VWA1: variants seen among roughly 807,000 people sequenced by gnomAD.
VWA1 encodes the protein von Willebrand factor A domain containing 1, also known as von Willebrand factor A domain-containing protein 1.
Under a neutral mutation model 14.9 loss-of-function variants are expected in VWA1, and 12 were observed. The ratio of observed to expected loss-of-function variants is 0.80; its 90% CI spans 0.52 to 1.30. The LOEUF is 1.30. VWA1 is among the 50% of genes most tolerant of loss of function. The pLI is 0.00. For synonymous variants in VWA1, 368 were observed against 310.7 expected, an observed-to-expected ratio of 1.18 and a Z score of -1.94; for missense variants, 800 against 649.1, an observed-to-expected ratio of 1.23 and a Z score of -2.53.
chr1:1,439,058 C>T (rs1342887244), intron 2 of VWA1, 23 bp from the exon 3 acceptor site: 11 of 1,592,854 alleles, frequency 6.9e-6, no homozygotes, highest in Non-Finnish European at 9.3e-6. Context: ...CCGCTGTTCC[C>T]TGACCCCCTG....
Position 1,437,131 on chromosome 1 carries a change from C to G in VWA1, c.278C>G (p.Ser93Trp). The G allele has an allele frequency of 6.2e-7, 1 of 1,606,508 alleles. No homozygotes were observed. The highest frequency in any genetic ancestry group is 8.5e-7 in the Non-Finnish European group (1 of 1,175,496). ...GAGTTCCCCTTCGGCCAGCACAGCT[C>G]GGGTGAGGCTGCCCAGGATGCGGTG... ...YTEFPFGQHS[S>W]GEAAQDAVRA... Residue 93 changes from serine (S) to tryptophan (W), a missense_variant, in exon 2 of 3, where the codon TCG (serine) becomes TGG (tryptophan). By Grantham distance (177) the Ser-to-Trp change is radical. Transcript: ENST00000476993.
In VWA1 at chr1:1,440,024, C is replaced by T. The variant is rs1388217875; in HGVS notation, c.*237C>T. On this transcript the variant is annotated 3_prime_UTR_variant, in exon 3 of 3. Transcript: ENST00000476993. The stretch of plus-strand genomic sequence containing the variant: ...CGCAGCAGCCCCGGCCCCATCCCCG[C>T]CCAGAGCCGGGCGTCGTGTGGGTCC... 3.5e-6 allele frequency: 1 copy of T among 288,732 alleles called. No homozygotes were observed. Among genetic ancestry groups the T allele is most frequent in the East Asian group, 1.4e-4 (1 of 6,934 alleles). 17.9% of individuals were successfully genotyped at this position (288,732 alleles called of 1,614,324 possible). A position where few individuals can be genotyped will look rare whatever the true frequency, so the allele number is the denominator to read the frequency against.
At position 1,437,019 on chromosome 1, in the gene VWA1, T is replaced by C; in HGVS notation, c.166T>C (p.Phe56Leu). 6.2e-7 allele frequency: 1 copy of C among 1,612,120 alleles called. No individual in the cohort carries two copies. Among genetic ancestry groups the C allele is most frequent in the Non-Finnish European group, 8.5e-7 (1 of 1,179,712 alleles). ...SHYEFSRVRE[F>L]VGQLVAPLPL... ...CTACGAGTTCTCCCGGGTTCGGGAG[T>C]TTGTGGGGCAGCTGGTGGCTCCACT... The change falls in exon 2 of 3, where the codon TTT becomes CTT. Residue 56 changes from phenylalanine (F) to leucine (L), a missense_variant. Phe to Leu is a conservative substitution (Grantham distance 22). Coordinates refer to ENST00000476993, the MANE Select transcript of VWA1 (RefSeq NM_022834.5).
Position 1,442,666 on chromosome 1 carries a change from C to T in VWA1, c.*2879C>T, listed in dbSNP as rs1160054895. On this transcript the variant is annotated 3_prime_UTR_variant, in exon 3 of 3. Coordinates refer to ENST00000476993, the MANE Select transcript of VWA1 (RefSeq NM_022834.5). ...GGCAGAGGGGGCTGAAATTCGGGCC[C>T]ATGCCTCTGTGAGCGATGACGGAGC... 1 of 152,284 alleles carries T rather than the reference C, an allele frequency of 6.6e-6. No homozygotes were observed. The highest frequency in any genetic ancestry group is 1.5e-5 in the Non-Finnish European group (1 of 68,070). 9.4% of individuals were successfully genotyped at this position (152,284 alleles called of 1,614,324 possible).
In VWA1 at chr1:1,439,691, G is replaced by T; in HGVS notation, c.1242G>T (p.Ala414=). Residue 414 remains alanine, a synonymous_variant, in exon 3 of 3, where the codon GCG becomes GCT. Transcript: ENST00000476993. ...CCTTCCGCTCGGGCCGCGAGAGCGC[G>T]CTGTCCGCCAAGGCCTGCACGCCCG... ...TAAFRSGRES[A]LSAKACTPDG... 1 of 1,275,104 alleles carries T rather than the reference G, an allele frequency of 7.8e-7. No individual in the cohort carries two copies. The highest frequency in any genetic ancestry group is 3.6e-5 in the Admixed American group (1 of 27,842). 79.0% of individuals were successfully genotyped at this position (1,275,104 alleles called of 1,614,324 possible). A position where few individuals can be genotyped will look rare whatever the true frequency, so the allele number is the denominator to read the frequency against.
chr1:1,435,917 G>T (rs1319212102), intron 1 of VWA1, 96 bp downstream of exon 1: 2 of 805,678 alleles, frequency 2.5e-6, no homozygotes, highest in South Asian at 5.5e-5. Flanking sequence ...TGCTCCGGAC[G>T]GGCGGGCGGG....
Position 1,435,699 on chromosome 1 carries a change from CG to C in VWA1, c.-49del. 1 of 1,158,774 alleles carries C rather than the reference CG, an allele frequency of 8.6e-7. No homozygotes were observed. Among genetic ancestry groups the C allele is most frequent in the Non-Finnish European group, 1.1e-6 (1 of 936,674 alleles). The allele number at this position is 1,158,774 out of a possible 1,614,324, so 71.8% of individuals were successfully genotyped here. ...CGGTGACGCGCCCTGCAGCCCCGAGCGAGCGAGCGAGCGAGCGAGTTGCCGA... is the reference window on the plus strand; with the variant it reads ...CGGTGACGCGCCCTGCAGCCCCGAGCAGCGAGCGAGCGAGCGAGTTGCCGA... On this transcript the variant is annotated 5_prime_UTR_variant, in exon 1 of 3. Transcript: ENST00000476993.
Position 1,435,836 on chromosome 1 carries a change from C to T in VWA1, c.73+15C>T, listed in dbSNP as rs1040309376. 2 of 1,104,738 alleles carry T rather than the reference C, an allele frequency of 1.8e-6. No homozygotes were observed. The highest frequency in any genetic ancestry group is 2.2e-6 in the Non-Finnish European group (2 of 914,372). 68.4% of individuals were successfully genotyped at this position (1,104,738 alleles called of 1,614,324 possible). A position where few individuals can be genotyped will look rare whatever the true frequency, so the allele number is the denominator to read the frequency against. Reference sequence around the variant, plus strand: ...CGCGGAGCGCGGTGAGTGCGGCGGGCGGCCGGGCCGGGGCTGGGGCTTCTG... The same window carrying T: ...CGCGGAGCGCGGTGAGTGCGGCGGGTGGCCGGGCCGGGGCTGGGGCTTCTG... On this transcript the variant is annotated intron_variant, in intron 1 of 2. Coordinates refer to ENST00000476993, the MANE Select transcript of VWA1 (RefSeq NM_022834.5).
At position 1,440,579 on chromosome 1, in the gene VWA1, T is replaced by A. The variant is rs1270546960; in HGVS notation, c.*792T>A. On this transcript the variant is annotated 3_prime_UTR_variant, in exon 3 of 3. Transcript: ENST00000476993. ...CACACCATCTTCTTGCTGTGAGAGG[T>A]CTCACCCCGGGCTACCTCCTGTCAC... 1 of 166,666 alleles carries A rather than the reference T, an allele frequency of 6.0e-6. No individual in the cohort carries two copies. Among genetic ancestry groups the A allele is most frequent in the East Asian group, 1.9e-4 (1 of 5,180 alleles). The allele number at this position is 166,666 out of a possible 1,614,324, so 10.3% of individuals were successfully genotyped here. A position where few individuals can be genotyped will look rare whatever the true frequency, so the allele number is the denominator to read the frequency against.
intron 2 of VWA1, 127 bp from the exon 3 acceptor site, chr1:1,438,954 T>C (rs1419155453): frequency 7.1e-7 from 1 of 1,410,078 alleles, no homozygotes; most frequent in Non-Finnish European, 9.3e-7. Flanking sequence ...AGCAGCTCCT[T>C]GGCCGCGGGG....
In VWA1 at chr1:1,437,331, G is replaced by T. The variant is rs1346843965; in HGVS notation, c.478G>T (p.Asp160Tyr). Residue 160 changes from aspartate (D) to tyrosine (Y), a missense_variant, in exon 2 of 3, where the codon GAC (aspartate) becomes TAC (tyrosine). Physicochemically the swap from Asp to Tyr is radical, Grantham distance 160 (BLOSUM62 -3). Transcript: ENST00000476993. ...PVGPPMQELK[D>Y]LGVTVFIVST... ...GGGCCCCCCCATGCAGGAGCTCAAGGACCTGGGCGTCACCGTGTTCATTGT... is the reference window on the plus strand; with the variant it reads ...GGGCCCCCCCATGCAGGAGCTCAAGTACCTGGGCGTCACCGTGTTCATTGT... 3 of 1,612,272 alleles carry T rather than the reference G, an allele frequency of 1.9e-6. No homozygotes were observed. The highest frequency in any genetic ancestry group is 1.1e-5 in the South Asian group (1 of 90,940).
At position 1,441,902 on chromosome 1, in the gene VWA1, T is replaced by TC. The variant is rs1160872341; in HGVS notation, c.*2119dup. 6.6e-6 allele frequency: 1 copy of TC among 152,132 alleles called. No homozygotes were observed. The highest frequency in any genetic ancestry group is 1.5e-5 in the Non-Finnish European group (1 of 68,114). The allele number at this position is 152,132 out of a possible 1,614,324, so 9.4% of individuals were successfully genotyped here. On this transcript the variant is annotated 3_prime_UTR_variant, in exon 3 of 3. Coordinates refer to ENST00000476993, the MANE Select transcript of VWA1 (RefSeq NM_022834.5). ...GCGGGGGCCCTGGCCACAACCCTGC[T>TC]CCCCACATACCCGTCTGGCAGAGGC...
rs567184801 is a variant in VWA1, at chr1:1,440,649, G to C, written c.*862G>C. 6.0e-6 allele frequency: 1 copy of C among 166,840 alleles called. No homozygotes were observed. Among genetic ancestry groups the C allele is most frequent in the Non-Finnish European group, 1.5e-5 (1 of 68,130 alleles). 10.3% of individuals were successfully genotyped at this position (166,840 alleles called of 1,614,324 possible). A position where few individuals can be genotyped will look rare whatever the true frequency, so the allele number is the denominator to read the frequency against. ...CGTGGGCAAGTTGCCCAGGGTGGGGGTGCCTAGCCAGGTGCAGTCCCCGCC... is the reference window on the plus strand; with the variant it reads ...CGTGGGCAAGTTGCCCAGGGTGGGGCTGCCTAGCCAGGTGCAGTCCCCGCC... On this transcript the variant is annotated 3_prime_UTR_variant, in exon 3 of 3. Transcript: ENST00000476993.
In VWA1 at chr1:1,441,605, C is replaced by T. The variant is rs1024925358; in HGVS notation, c.*1818C>T. 6.6e-6 allele frequency: 1 copy of T among 152,426 alleles called. No homozygotes were observed. The highest frequency in any genetic ancestry group is 1.5e-5 in the Non-Finnish European group (1 of 68,218). The allele number at this position is 152,426 out of a possible 1,614,324, so 9.4% of individuals were successfully genotyped here. ...TGGCCAGGGTTGCAGGCCCGGGCCT[C>T]GGGCCCCACCTCCTCTGGAGGGGTA... On this transcript the variant is annotated 3_prime_UTR_variant, in exon 3 of 3. Transcript: ENST00000476993.
In VWA1 at chr1:1,439,912, G is replaced by T; in HGVS notation, c.*125G>T. 9.0e-6 allele frequency: 9 copies of T among 1,003,354 alleles called. No individual in the cohort carries two copies. Among genetic ancestry groups the T allele is most frequent in the Non-Finnish European group, 1.1e-5 (9 of 836,096 alleles). The allele number at this position is 1,003,354 out of a possible 1,614,324, so 62.2% of individuals were successfully genotyped here. ...CCCGGCCTTTCCCCACGCGGACTCCGCGCGACCCCGGCCCTCTCCCTGCGG... is the reference window on the plus strand; with the variant it reads ...CCCGGCCTTTCCCCACGCGGACTCCTCGCGACCCCGGCCCTCTCCCTGCGG... On this transcript the variant is annotated 3_prime_UTR_variant, in exon 3 of 3. Coordinates refer to ENST00000476993, the MANE Select transcript of VWA1 (RefSeq NM_022834.5).
chr1:1,437,673 T>A (rs1307547945), intron 2 of VWA1, among the ~76,000 whole-genome samples, 189 bp downstream of exon 2: 1 of 152,182 alleles, frequency 6.6e-6, no homozygotes, highest in East Asian at 1.9e-4. Context: ...GCGACCCGTG[T>A]ACCCTGCTGA....
rs1638663300 is a variant in VWA1 at position 1,441,181 on chromosome 1, T to TC, written c.*1397dup. The TC allele has an allele frequency of 6.6e-6, 1 of 152,202 alleles. No homozygotes were observed. Among genetic ancestry groups the TC allele is most frequent in the South Asian group, 2.1e-4 (1 of 4,832 alleles). 9.4% of individuals were successfully genotyped at this position (152,202 alleles called of 1,614,324 possible). A position where few individuals can be genotyped will look rare whatever the true frequency, so the allele number is the denominator to read the frequency against. On this transcript the variant is annotated 3_prime_UTR_variant, in exon 3 of 3. Coordinates refer to ENST00000476993, the MANE Select transcript of VWA1 (RefSeq NM_022834.5). ...GCAGCATTGAGGTGGTCTCAGTCCC[T>TC]CCCTCAGGTCTGGTGGGCATTGTGC...
intron 1 of VWA1, among the ~76,000 whole-genome samples, chr1:1,436,043 C>G (rs886129868): frequency 1.3e-5 from 2 of 151,828 alleles, no homozygotes; most frequent in African/African-American, 2.4e-5. Context: ...TAGGGGCCGT[C>G]CCGGCCCGCA....
At chr1:1,435,965 A>G (rs1570119922) in intron 1 of VWA1, 144 bp downstream of exon 1, 1 of 464,056 alleles carries the variant, frequency 2.2e-6, no homozygotes, top group Non-Finnish European at 2.7e-6. Context: ...GCGCGGGCGG[A>G]GCGTCCTGCT....
Sources: allele counts gnomAD v4.1 joint callset (sites outside exome capture counted in the v4.1 genomes callset), GRCh38; gene constraint gnomAD v4.1.1; transcripts MANE v1.5; gene names NCBI Gene and HGNC (gene_info 2026-07-23, HGNC 2026-07-21).